Variants in ADARB1 observed in about 807,000 individuals in gnomAD.
The protein encoded by ADARB1 is double-stranded RNA-specific editase 1.
ADARB1 carries 10 observed loss-of-function variants against 52.4 expected under a neutral mutation model. The ratio of observed to expected loss-of-function variants is 0.19; its 90% CI spans 0.12 to 0.32. The LOEUF is 0.32. Among genes scored for constraint, ADARB1 ranks in the 10% least tolerant of loss-of-function variants. ADARB1 has a pLI of 1.00. For missense variants in ADARB1, 643 were observed against 922.3 expected (o/e 0.70, Z 3.92); for synonymous variants, 349 against 371.1 (o/e 0.94, Z 0.68).
At position 45,204,856 on chromosome 21, in the gene ADARB1, CCTT is replaced by C; in HGVS notation, c.1747+123_1747+125del. On this transcript the variant is annotated intron_variant, in intron 9 of 10. Coordinates refer to ENST00000348831, the MANE Select transcript of ADARB1 (RefSeq NM_001112.4). The surrounding 1 kb of genome is among the most constrained non-coding windows in gnomAD (Gnocchi z 4.4). ...GTGGCTATCAAAAGAACATCAGAGT[CCTT>C]CTAAAGAGACCCAAGGTGATGTTTC... 1 of 1,121,364 alleles carries C rather than the reference CCTT, an allele frequency of 8.9e-7. No homozygotes were observed. 69.5% of individuals were successfully genotyped at this position (1,121,364 alleles called of 1,614,324 possible). A position where few individuals can be genotyped will look rare whatever the true frequency, so the allele number is the denominator to read the frequency against.
At chr21:45,210,355 A>G (rs2092744158) in intron 9 of ADARB1, among the ~76,000 whole-genome samples, 1 of 152,142 alleles carries the variant, frequency 6.6e-6, no homozygotes, top group African/African-American at 2.4e-5. Context: ...GGATTAACCC[A>G]CGTGATCTCC....
intron 1 of ADARB1, among the ~76,000 whole-genome samples, chr21:45,095,928 G>A (rs1201079088): frequency 1.3e-5 from 2 of 152,156 alleles, no homozygotes; most frequent in Non-Finnish European, 2.9e-5. Flanking sequence ...GGGGCTGTTG[G>A]GGCTTTATAT....
In ADARB1 at chr21:45,225,668, T is replaced by A; in HGVS notation, c.*3471T>A. The A allele has an allele frequency of 1.0e-6, 1 of 994,012 alleles. No individual in the cohort carries two copies. Among genetic ancestry groups the A allele is most frequent in the Non-Finnish European group, 1.4e-6 (1 of 735,730 alleles). 61.6% of individuals were successfully genotyped at this position (994,012 alleles called of 1,614,324 possible). ...TGTCTCAAAACAAACACATGTACAG[T>A]GGCTCTTTTTCCTTCTCAAACACTT... On this transcript the variant is annotated 3_prime_UTR_variant, in exon 11 of 11. Coordinates refer to ENST00000348831, the MANE Select transcript of ADARB1 (RefSeq NM_001112.4).
chr21:45,222,378 T>C lies in ADARB1; in HGVS notation c.*181T>C. 2 of 1,345,274 alleles carry C rather than the reference T, an allele frequency of 1.5e-6. No individual in the cohort carries two copies. Among genetic ancestry groups the C allele is most frequent in the Non-Finnish European group, 1.9e-6 (2 of 1,055,314 alleles). The allele number at this position is 1,345,274 out of a possible 1,614,324, so 83.3% of individuals were successfully genotyped here. On this transcript the variant is annotated 3_prime_UTR_variant, in exon 11 of 11. Coordinates refer to ENST00000348831, the MANE Select transcript of ADARB1 (RefSeq NM_001112.4). ...CATCAGACCTGGGGCAGGTGCGCAG[T>C]GTGGGGAGGGGATGGGGTGCGTCAG...
intron 2 of ADARB1, chr21:45,133,429 G>A (rs1170154367): frequency 6.5e-6 from 1 of 153,230 alleles, no homozygotes; most frequent in African/African-American, 2.4e-5. Context: ...GGGTTTACCT[G>A]ATCAGGCCAG....
rs747112715 is a variant in ADARB1 at position 45,183,519 on chromosome 21, C to T, written c.1396+9C>T. On this transcript the variant is annotated intron_variant, in intron 7 of 10. Transcript: ENST00000348831. ...TGAGCCAATCCTGGAAGGTATGAGA[C>T]GAGATTCTTCAACAAGCCAGTTTCT... The T allele has an allele frequency of 1.2e-5, 20 of 1,610,744 alleles. No homozygotes were observed. Among genetic ancestry groups the T allele is most frequent in the Admixed American group, 1.0e-4 (6 of 59,156 alleles).
intron 1 of ADARB1, among the ~76,000 whole-genome samples, chr21:45,093,412 C>T (rs1193522370): frequency 6.6e-6 from 1 of 152,216 alleles, no homozygotes; most frequent in Non-Finnish European, 1.5e-5. Flanking sequence ...TTTCCACAGG[C>T]CTCTGCCTGA....
At chr21:45,171,565 T>C in intron 2 of ADARB1, 45 bp from the exon 3 acceptor site, 2 of 1,190,540 alleles carry the variant, frequency 1.7e-6, no homozygotes, top group Non-Finnish European at 2.5e-6. Flanking sequence ...TTCATATTAC[T>C]CCTGTCATAG....
At chr21:45,106,394 T>C (rs1213641611) in intron 1 of ADARB1, among the ~76,000 whole-genome samples, 5 of 152,146 alleles carry the variant, frequency 3.3e-5, no homozygotes, top group Non-Finnish European at 5.9e-5. Context: ...TCATCATGTC[T>C]CTAAGGCCAT....
chr21:45,198,510 C>G (rs1322992778), intron 8 of ADARB1, among the ~76,000 whole-genome samples: 1 of 151,488 alleles, frequency 6.6e-6, no homozygotes, highest in Admixed American at 6.6e-5. Flanking sequence ...CACACACACA[C>G]ACACACACAC....
At chr21:45,166,668 C>T (rs1307571014) in intron 2 of ADARB1, among the ~76,000 whole-genome samples, 1 of 152,176 alleles carries the variant, frequency 6.6e-6, no homozygotes, top group African/African-American at 2.4e-5. Context: ...TCTGTTTATC[C>T]TTTTCACGTA....
chr21:45,129,854 G>C (rs769573873), intron 2 of ADARB1, among the ~76,000 whole-genome samples: 1 of 152,214 alleles, frequency 6.6e-6, no homozygotes, highest in South Asian at 2.1e-4. Context: ...TGCCAGCAAA[G>C]GTCCTGCTTG....
intron 1 of ADARB1, among the ~76,000 whole-genome samples, chr21:45,099,519 T>C (rs145836937): frequency 7.3e-6 from 1 of 136,758 alleles, no homozygotes; most frequent in Non-Finnish European, 1.6e-5. Flanking sequence ...ACAAAAAAAA[T>C]TAGCTGGGTG....
chr21:45,132,049 C>T (rs1224589013), intron 2 of ADARB1, among the ~76,000 whole-genome samples: 1 of 152,230 alleles, frequency 6.6e-6, no homozygotes, highest in African/African-American at 2.4e-5. Context: ...AAAAACTTGA[C>T]ATTTTTCTTC....
chr21:45,110,553 A>C (rs1327063946), intron 1 of ADARB1, among the ~76,000 whole-genome samples: 1 of 152,188 alleles, frequency 6.6e-6, no homozygotes, highest in African/African-American at 2.4e-5. Context: ...ATGTATTTTA[A>C]TTCCTAGGAG....
intron 2 of ADARB1, among the ~76,000 whole-genome samples, chr21:45,155,734 CCCACCCATCATCACCTATCAT>C (rs2090527361): frequency 8.9e-6 from 1 of 112,028 alleles, no homozygotes; most frequent in African/African-American, 3.3e-5. Flanking sequence ...CACCCACCCA[CCCACCCATCATCACCTATCAT>C]CCATCATCCA....
intron 2 of ADARB1, chr21:45,152,583 G>A (rs1049535620): frequency 2.4e-5 from 9 of 382,816 alleles, no homozygotes; most frequent in African/African-American, 6.4e-5. Context: ...GGCTGGGGCC[G>A]GCCGGACTGG....
chr21:45,178,197 G>A (rs1006290553), intron 4 of ADARB1, among the ~76,000 whole-genome samples: 6 of 152,360 alleles, frequency 3.9e-5, no homozygotes, highest in Non-Finnish European at 8.8e-5. Flanking sequence ...CGAAGTGCCA[G>A]TAGAGATGTC....
At chr21:45,166,299 T>C (rs888327286) in intron 2 of ADARB1, among the ~76,000 whole-genome samples, 3 of 152,192 alleles carry the variant, frequency 2.0e-5, no homozygotes, top group African/African-American at 7.2e-5. Context: ...CGTATAACAT[T>C]GTCAATTTGA....
Sources: allele counts gnomAD v4.1 joint callset (sites outside exome capture counted in the v4.1 genomes callset), GRCh38; gene constraint gnomAD v4.1.1; non-coding constraint Gnocchi (gnomAD v3.1); transcripts MANE v1.5; gene names NCBI Gene and HGNC (gene_info 2026-07-23, HGNC 2026-07-21).